Variants in FAM98A observed in about 807,000 individuals in gnomAD.
FAM98A encodes tRNA splicing ligase complex subunit 3A.
A neutral mutation model predicts 62.9 loss-of-function variants in FAM98A; 25 were observed. That is an observed-to-expected ratio of 0.40 (90% CI 0.29 to 0.56). The LOEUF (loss-of-function observed/expected upper bound fraction) is 0.56. Among genes scored for constraint, FAM98A ranks in the 20% least tolerant of loss-of-function variants. The pLI is 0.51. For synonymous variants in FAM98A, 252 were observed against 228.6 expected, an observed-to-expected ratio of 1.10 and a Z score of -0.92; for missense variants, 653 against 640.7, an observed-to-expected ratio of 1.02 and a Z score of -0.21.
In FAM98A at chr2:33,585,334, T is replaced by A; in HGVS notation, c.999A>T (p.Thr333=). 1.9e-6 allele frequency: 3 copies of A among 1,614,168 alleles called. No individual in the cohort carries two copies. The highest frequency in any genetic ancestry group is 2.5e-6 in the Non-Finnish European group (3 of 1,180,026). Residue 333 remains threonine, a synonymous_variant, in exon 8 of 8, where the codon ACA becomes ACT. Coordinates refer to ENST00000238823, the MANE Select transcript of FAM98A (RefSeq NM_015475.5). ...QKRQDGPQQQ[T]GGRGGGRGGY... is the part of the protein sequence containing the mutation. ...CACCTCTCCCTCCTCCTCGGCCTCC[T>A]GTTTGCTGCTGGGGGCCATCTTGCC...
Position 33,588,444 on chromosome 2 carries a change from C to T in FAM98A, c.413G>A (p.Gly138Asp), listed in dbSNP as rs761701614. 3 of 1,613,762 alleles carry T rather than the reference C, an allele frequency of 1.9e-6. No homozygotes were observed. The highest frequency in any genetic ancestry group is 2.5e-6 in the Non-Finnish European group (3 of 1,179,788). Residue 138 changes from glycine (G) to aspartate (D), a missense_variant, in exon 4 of 8, where the codon GGC (glycine) becomes GAC (aspartate). By Grantham distance (94) the Gly-to-Asp change is moderately conservative. Coordinates refer to ENST00000238823, the MANE Select transcript of FAM98A (RefSeq NM_015475.5). The part of the protein sequence containing the change: ...NAPPKKAQEG[G>D]GSEVFQELKG... ...CAACTCTTGAAAGACCTCACTACCG[C>T]CTCCTTCTTGAGCTTTTTTTGGAGG...
rs191449839 is a variant in FAM98A, at chr2:33,585,946, G to C, written c.721-249C>G. Among the ~76,000 whole-genome samples the C allele has an allele frequency of 4.5e-4, 68 of 152,260 alleles. 1 individual carries two copies. In the East Asian group the frequency reaches 7.7e-3, roughly 17 times the overall value. ...GGGGGCAGGGGTGGAGTGAGAGGGT[G>C]CCCCTTTAGGGTTATGAGGCCAACG... On this transcript the variant is annotated intron_variant, in intron 6 of 7. Coordinates refer to ENST00000238823, the MANE Select transcript of FAM98A (RefSeq NM_015475.5).
At chr2:33,593,756 G>C (rs1314121455) in intron 2 of FAM98A, among the ~76,000 whole-genome samples, 1 of 152,162 alleles carries the variant, frequency 6.6e-6, no homozygotes, top group Admixed American at 6.5e-5. Flanking sequence ...CTCTTTTAGA[G>C]GCAGCTGGGA....
chr2:33,587,733 C>A, intron 4 of FAM98A: 1 of 186,478 alleles, frequency 5.4e-6, no homozygotes, highest in South Asian at 1.1e-4. Flanking sequence ...AATAACTGTG[C>A]TTTAACAAAT....
At chr2:33,598,018 A>C (rs1006964561) in intron 1 of FAM98A, among the ~76,000 whole-genome samples, 1 of 151,620 alleles carries the variant, frequency 6.6e-6, no homozygotes, top group African/African-American at 2.4e-5. Flanking sequence ...GAAGCCCCCT[A>C]AAGTCTGGAA....
rs769226167 is a variant in FAM98A, at chr2:33,585,093, T to C, written c.1240A>G (p.Ser414Gly). ...FQPGGYHGGH[S>G]SGGYQGGGYG... ...CCTCCGCCTTGATAGCCACCACTGC[T>C]GTGGCCACCATGATAGCCACCTGGC... Residue 414 changes from serine to glycine, a missense_variant, in exon 8 of 8, where the codon AGC (serine) becomes GGC (glycine). Coordinates refer to ENST00000238823, the MANE Select transcript of FAM98A (RefSeq NM_015475.5). The C allele has an allele frequency of 1.2e-6, 2 of 1,614,180 alleles. No individual in the cohort carries two copies. Among genetic ancestry groups the C allele is most frequent in the Non-Finnish European group, 1.7e-6 (2 of 1,180,016 alleles).
intron 1 of FAM98A, 101 bp from the exon 2 acceptor site, chr2:33,595,738 T>C: frequency 1.3e-6 from 1 of 797,394 alleles, no homozygotes. Context: ...AATAATTTAA[T>C]AAAGATAAGT....
rs55741538 is a variant in FAM98A at position 33,596,891 on chromosome 2, C to CAAA, written c.54-1257_54-1255dup. Among the ~76,000 whole-genome samples, 171 of 103,402 alleles carry CAAA rather than the reference C, an allele frequency of 1.7e-3. 1 individual carries two copies. Among genetic ancestry groups the CAAA allele is most frequent in the African/African-American group, 6.0e-3 (155 of 25,752 alleles). 67.8% of individuals were successfully genotyped at this position (103,402 alleles called of 152,430 possible). ...TGGGCGACAGAGCAAGACTCCGTAT[C>CAAA]AAAAAAAAAAAAAAAAAAAGATAAT... On this transcript the variant is annotated intron_variant, in intron 1 of 7. Transcript: ENST00000238823.
At chr2:33,592,898 T>A (rs189408458) in intron 2 of FAM98A, among the ~76,000 whole-genome samples, 2 of 152,342 alleles carry the variant, frequency 1.3e-5, no homozygotes, top group Admixed American at 1.3e-4. Flanking sequence ...GTCCCATGAA[T>A]AGCCAGTCTT....
rs769901785 is a variant in FAM98A at position 33,599,231 on chromosome 2, G to C, written c.-10C>G. 5 of 1,612,932 alleles carry C rather than the reference G, an allele frequency of 3.1e-6. 1 individual carries two copies. The South Asian group carries it at 5.5e-5, about 18-fold the overall frequency. ...TGAGGTCACACTCCATGCTACTGTG[G>C]TATTCAAATTTCCGAGTCGTCAGGC... On this transcript the variant is annotated 5_prime_UTR_variant, in exon 1 of 8. Coordinates refer to ENST00000238823, the MANE Select transcript of FAM98A (RefSeq NM_015475.5).
chr2:33,595,507 T>C lies in FAM98A; in HGVS notation c.184A>G (p.Asn62Asp). The C allele has an allele frequency of 1.2e-6, 2 of 1,605,454 alleles. No individual in the cohort carries two copies. The highest frequency in any genetic ancestry group is 1.7e-6 in the Non-Finnish European group (2 of 1,177,048). The change falls in exon 2 of 8, where the codon AAC (asparagine) becomes GAC (aspartate). Residue 62 changes from asparagine (N) to aspartate (D), a missense_variant. Asn to Asp is a conservative substitution (Grantham distance 23). Transcript: ENST00000238823. ...ELRVLCKLEE[N>D]VQATNSPSEA... is the part of the protein sequence containing the mutation. The stretch of plus-strand genomic sequence containing the variant: ...TACTTACTGTTAGTTGCTTGCACGT[T>C]TTCCTCTAGTTTACAGAGCACTCTT...
At position 33,585,252 on chromosome 2, in the gene FAM98A, C is replaced by T. The variant is rs1452810455; in HGVS notation, c.1081G>A (p.Gly361Ser). 7 of 1,614,118 alleles carry T rather than the reference C, an allele frequency of 4.3e-6. No individual in the cohort carries two copies. The highest frequency in any genetic ancestry group is 2.2e-5 in the East Asian group (1 of 44,868). The stretch of plus-strand genomic sequence containing the variant: ...CCATGGTCATAGCCACCACGTCCAC[C>T]TCTCCCGCCTCCTTGTTCATGACCT... ...RGGHEQGGGR[G>S]GRGGYDHGGR... Residue 361 changes from glycine to serine, a missense_variant, in exon 8 of 8, where the codon GGT becomes AGT. Gly to Ser is a moderately conservative substitution (Grantham distance 56, BLOSUM62 0). Coordinates refer to ENST00000238823, the MANE Select transcript of FAM98A (RefSeq NM_015475.5).
intron 5 of FAM98A, chr2:33,586,948 T>C (rs989735166): frequency 9.6e-6 from 5 of 519,256 alleles, no homozygotes; most frequent in African/African-American, 5.7e-5. Context: ...GTGAAGTTTT[T>C]GGCTTGAAGG....
intron 1 of FAM98A, among the ~76,000 whole-genome samples, chr2:33,597,018 A>T (rs1009369900): frequency 3.9e-5 from 6 of 152,164 alleles, no homozygotes; most frequent in Admixed American, 3.9e-4. Context: ...ATGAAAACAA[A>T]TCATACATAA....
intron 1 of FAM98A, among the ~76,000 whole-genome samples, chr2:33,597,430 T>G (rs1362629194): frequency 6.6e-6 from 1 of 152,228 alleles, no homozygotes; most frequent in African/African-American, 2.4e-5. Flanking sequence ...TTTTAATATT[T>G]GAATGCCACC....
chr2:33,594,010 G>A (rs911965752), intron 2 of FAM98A, among the ~76,000 whole-genome samples: 1 of 152,108 alleles, frequency 6.6e-6, no homozygotes, highest in African/African-American at 2.4e-5. Flanking sequence ...CTACTGTTCT[G>A]GGGTTGAAAC....
Position 33,592,123 on chromosome 2 carries a change from C to T in FAM98A, c.294G>A (p.Val98=), listed in dbSNP as rs1164461101. 1 of 1,613,544 alleles carries T rather than the reference C, an allele frequency of 6.2e-7. No homozygotes were observed. Among genetic ancestry groups the T allele is most frequent in the Admixed American group, 1.7e-5 (1 of 60,014 alleles). ...TCTTCTGAATGAGAAGGCGCTTGGT[C>T]ACATCCCCAGATGTCAGTGAAAGAT... is the stretch of plus-strand genomic sequence containing the variant. The part of the protein sequence containing the change: ...CPYLSLTSGD[V]TKRLLIQKNC... Residue 98 remains valine, a synonymous_variant, in exon 3 of 8, where the codon GTG becomes GTA. Coordinates refer to ENST00000238823, the MANE Select transcript of FAM98A (RefSeq NM_015475.5).
In FAM98A at chr2:33,585,034, T is replaced by C; in HGVS notation, c.1299A>G (p.Thr433=). 6.2e-7 allele frequency: 1 copy of C among 1,614,074 alleles called. No homozygotes were observed. Among genetic ancestry groups the C allele is most frequent in the African/African-American group, 1.3e-5 (1 of 74,998 alleles). The change falls in exon 8 of 8, where the codon ACA becomes ACG. Residue 433 remains threonine (T), a synonymous_variant. Coordinates refer to ENST00000238823, the MANE Select transcript of FAM98A (RefSeq NM_015475.5). The part of the protein sequence containing the change: ...YGGFQTSSSY[T]GSGYQGGGYQ... ...AGCCACCACCCTGGTATCCACTTCCTGTATATGAAGAAGATGTTTGGAAGC... is the reference window on the plus strand; with the variant it reads ...AGCCACCACCCTGGTATCCACTTCCCGTATATGAAGAAGATGTTTGGAAGC...
chr2:33,584,479 G>C lies in FAM98A; in HGVS notation c.*297C>G. ...TTATTCAAGTAATTTCTTCAAAAAA[G>C]TTTGCATGTTCTGACTGTGGAATTA... is the stretch of plus-strand genomic sequence containing the variant. On this transcript the variant is annotated 3_prime_UTR_variant, in exon 8 of 8. Coordinates refer to ENST00000238823, the MANE Select transcript of FAM98A (RefSeq NM_015475.5). 1 of 356,078 alleles carries C rather than the reference G, an allele frequency of 2.8e-6. No individual in the cohort carries two copies. The highest frequency in any genetic ancestry group is 1.0e-4 in the South Asian group (1 of 9,956). The allele number at this position is 356,078 out of a possible 1,614,324, so 22.1% of individuals were successfully genotyped here. A position where few individuals can be genotyped will look rare whatever the true frequency, so the allele number is the denominator to read the frequency against.
Sources: allele counts gnomAD v4.1 joint callset (sites outside exome capture counted in the v4.1 genomes callset), GRCh38; gene constraint gnomAD v4.1.1; transcripts MANE v1.5; gene names NCBI Gene and HGNC (gene_info 2026-07-23, HGNC 2026-07-21).